Variants in SNHG17 observed in about 807,000 individuals in gnomAD.
SNHG17 encodes small nucleolar RNA host gene 17, also known as small nucleolar RNA host gene 17 (non-protein coding).
chr20:38,427,333 TGG>T, intron 3 of SNHG17: 1 of 513,424 alleles, frequency 1.9e-6, no homozygotes, highest in South Asian at 1.4e-5. Flanking sequence ...AGGGTTCGGA[TGG>T]GATAGGGTGG....
chr20:38,427,494 G>A (rs1600760604), intron 3 of SNHG17: 2 of 478,754 alleles, frequency 4.2e-6, no homozygotes, highest in East Asian at 5.7e-5. Flanking sequence ...GCCAGGGCCT[G>A]TGGGATGACC....
intron 3 of SNHG17, chr20:38,429,702 G>A: frequency 5.9e-6 from 3 of 510,824 alleles, no homozygotes; most frequent in South Asian, 4.2e-5. Flanking sequence ...GAAGAGACAG[G>A]AGTGGACCCT....
At chr20:38,435,148 C>T (rs972188611) in intron 1 of SNHG17, 3 of 1,232,188 alleles carry the variant, frequency 2.4e-6, no homozygotes, top group Non-Finnish European at 3.0e-6. Flanking sequence ...GCCTCAGTTT[C>T]CCCCGATGGT....
chr20:38,431,738 T>A (rs1600767988), intron 2 of SNHG17, among the ~76,000 whole-genome samples: 1 of 152,186 alleles, frequency 6.6e-6, no homozygotes, highest in African/African-American at 2.4e-5. Flanking sequence ...ACAGGTAGGT[T>A]TGATGCCAAA....
chr20:38,427,518 G>C (rs1378885444), intron 3 of SNHG17: 2 of 396,084 alleles, frequency 5.0e-6, no homozygotes, highest in Non-Finnish European at 1.0e-5. Flanking sequence ...GTCAGGGACA[G>C]TACAAGACTC....
intron 5 of SNHG17, among the ~76,000 whole-genome samples, chr20:38,425,700 G>A (rs1404962369): frequency 6.6e-6 from 1 of 152,174 alleles, no homozygotes; most frequent in Middle Eastern, 3.2e-3. Flanking sequence ...GAATGAGATG[G>A]AAGATCAACT....
intron 2 of SNHG17, chr20:38,431,223 T>A (rs1378920998): frequency 6.6e-6 from 1 of 152,256 alleles, no homozygotes; most frequent in Non-Finnish European, 1.5e-5. Context: ...AATCAGTGTC[T>A]CAGGAGGTGA....
chr20:38,427,471 G>A (rs774562614), intron 3 of SNHG17: 7 of 506,532 alleles, frequency 1.4e-5, no homozygotes, highest in Admixed American at 1.4e-4. Flanking sequence ...GCCAGGAAGG[G>A]CAGGAGGATG....
At chr20:38,424,479 T>C (rs1009977283) in intron 5 of SNHG17, among the ~76,000 whole-genome samples, 19 of 152,194 alleles carry the variant, frequency 1.2e-4, no homozygotes, top group Admixed American at 7.2e-4. Flanking sequence ...CTGTAACAGC[T>C]GGCTTGTTCT....
chr20:38,421,497 G>A (rs1222988474), intron 6 of SNHG17: 1 of 152,202 alleles, frequency 6.6e-6, no homozygotes, highest in African/African-American at 2.4e-5. Context: ...GTGGGGCCCA[G>A]AGAGAAATGC....
rs372256359 is a variant in SNHG17, at chr20:38,432,130, G to A, written n.309-1018C>T. The A allele has an allele frequency of 5.8e-5, 57 of 985,392 alleles. No individual in the cohort carries two copies. The East Asian group carries it at 2.5e-3, about 43-fold the overall frequency. The allele number at this position is 985,392 out of a possible 1,614,324, so 61.0% of individuals were successfully genotyped here. On this transcript the variant is annotated intron_variant and non_coding_transcript_variant, in intron 2 of 8. Transcript: ENST00000654008. The stretch of plus-strand genomic sequence containing the variant: ...ATCTAGACATCACCTGGTCAAACCC[G>A]TTCTGGAAAGGACAAGGAGAGTACT...
chr20:38,427,459 G>A (rs1344000117), intron 3 of SNHG17: 1 of 511,934 alleles, frequency 2.0e-6, no homozygotes, highest in East Asian at 5.5e-5. Flanking sequence ...ACAGACAGGA[G>A]AGCCAGGAAG....
intron 2 of SNHG17, chr20:38,433,973 G>A (rs1383760131): frequency 1.9e-6 from 1 of 519,000 alleles, no homozygotes; most frequent in Non-Finnish European, 3.8e-6. Flanking sequence ...GGCACAGGCA[G>A]CCCACGATCA....
At chr20:38,428,369 T>G (rs1288169909) in intron 3 of SNHG17, 1 of 152,116 alleles carries the variant, frequency 6.6e-6, no homozygotes, top group East Asian at 1.9e-4. Context: ...CACCTCTCCC[T>G]ACGTCACCAC....
intron 5 of SNHG17, chr20:38,425,228 A>G (rs370799812): frequency 1.9e-6 from 1 of 519,116 alleles, no homozygotes; most frequent in African/African-American, 1.9e-5. Flanking sequence ...TGGAAGGGAT[A>G]GGAGTGGACC....
intron 2 of SNHG17, among the ~76,000 whole-genome samples, chr20:38,433,670 C>A (rs981471736): frequency 6.6e-6 from 1 of 152,208 alleles, no homozygotes; most frequent in Non-Finnish European, 1.5e-5. Context: ...CAAAGACAAT[C>A]AAGCCAGTAA....
intron 5 of SNHG17, among the ~76,000 whole-genome samples, chr20:38,423,380 T>C (rs2084191314): frequency 6.8e-6 from 1 of 146,572 alleles, no homozygotes; most frequent in Non-Finnish European, 1.5e-5. Context: ...CTCCTGGGCT[T>C]AACTTCAGCC....
Position 38,430,624 on chromosome 20 carries a change from A to AAAAT in SNHG17, n.380+413_380+416dup, listed in dbSNP as rs201008178. On this transcript the variant is annotated intron_variant and non_coding_transcript_variant, in intron 3 of 8. Transcript: ENST00000654008. ...GCGACAGAGCAAGACTCTGTCTCAA[A>AAAAT]AAATAAATAAATAAATAAATAACAG... Among the ~76,000 whole-genome samples the AAAAT allele has an allele frequency of 0.012, 1,877 of 152,208 alleles. 132 individuals carry two copies. The East Asian group carries it at 0.21, about 17-fold the overall frequency.
rs549048533 is a variant in SNHG17, at chr20:38,435,206, T to C, written n.176A>G. Reference sequence around the variant, plus strand: ...CCTGCTGTGGACTCACCCGGCGCCCTGGCGTCGAGTGGCGGCGGAGACCTG... The same window carrying C: ...CCTGCTGTGGACTCACCCGGCGCCCCGGCGTCGAGTGGCGGCGGAGACCTG... On this transcript the variant is annotated non_coding_transcript_exon_variant, in exon 1 of 9. Transcript: ENST00000654008. 6.5e-6 allele frequency: 8 copies of C among 1,232,018 alleles called. No homozygotes were observed. In the South Asian group the frequency reaches 3.3e-4, roughly 51 times the overall value. 76.3% of individuals were successfully genotyped at this position (1,232,018 alleles called of 1,614,324 possible).
Sources: gnomAD v4.1 joint callset for allele counts (sites outside exome capture counted in the v4.1 genomes callset) on GRCh38, gnomAD v4.1.1 for gene constraint, MANE v1.5 for transcripts, NCBI Gene and HGNC (gene_info 2026-07-23, HGNC 2026-07-21) for gene names.